SLC35F4: variants seen among roughly 807,000 people sequenced by gnomAD.
The protein encoded by SLC35F4 is solute carrier family 35 member F4.
In SLC35F4, 24 loss-of-function variants were observed where a neutral mutation model predicts 44.2. The observed-to-expected ratio is 0.54, with a 90% confidence interval of 0.39 to 0.76. The LOEUF (loss-of-function observed/expected upper bound fraction) is 0.76. SLC35F4 is among the 30% of genes least tolerant of loss of function. The pLI is 0.00. For synonymous variants in SLC35F4, 238 were observed against 223.6 expected, an observed-to-expected ratio of 1.06 and a Z score of -0.57; for missense variants, 562 against 586.1, an observed-to-expected ratio of 0.96 and a Z score of 0.42.
chr14:57,864,217 A>G (rs1887927294), intron 1 of SLC35F4, among the ~76,000 whole-genome samples: 1 of 152,216 alleles, frequency 6.6e-6, no homozygotes, highest in Admixed American at 6.5e-5. Flanking sequence ...AGTAATTTCC[A>G]CAAGATATAT....
downstream of SLC35F4, among the ~76,000 whole-genome samples, chr14:57,975,157 C>T (rs1881178388): frequency 6.6e-6 from 1 of 152,166 alleles, no homozygotes; most frequent in African/African-American, 2.4e-5. Context: ...ATTGAGGTGA[C>T]TATTTGGTAA....
At chr14:57,947,843 A>G (rs1890063904) in intron 1 of SLC35F4, among the ~76,000 whole-genome samples, 1 of 152,106 alleles carries the variant, frequency 6.6e-6, no homozygotes, top group Non-Finnish European at 1.5e-5. Flanking sequence ...TGACTTTCAT[A>G]TGTTAAGCTA....
intron 1 of SLC35F4, among the ~76,000 whole-genome samples, chr14:57,933,041 T>A (rs1430090875): frequency 3.1e-5 from 3 of 96,196 alleles, no homozygotes; most frequent in Non-Finnish European, 6.1e-5. Flanking sequence ...CCTATTTACT[T>A]TTTTTTTTTT....
chr14:57,622,698 T>C (rs572958483), intron 1 of SLC35F4, among the ~76,000 whole-genome samples: 44 of 152,094 alleles, frequency 2.9e-4, no homozygotes, highest in African/African-American at 7.2e-4. Flanking sequence ...AGGGATAGCA[T>C]TGGGAGATAT....
chr14:57,697,764 A>G (rs1566773955), intron 1 of SLC35F4, among the ~76,000 whole-genome samples: 1 of 152,072 alleles, frequency 6.6e-6, no homozygotes, highest in Admixed American at 6.6e-5. Flanking sequence ...CATTGCCAGA[A>G]TAAGTTAACA....
intron 1 of SLC35F4, among the ~76,000 whole-genome samples, chr14:57,850,737 C>T (rs1886484708): frequency 6.6e-6 from 1 of 152,168 alleles, no homozygotes; most frequent in South Asian, 2.1e-4. Context: ...CATAAAATGT[C>T]TTCTCTGTAG....
chr14:57,829,396 G>A (rs77525765), intron 1 of SLC35F4, among the ~76,000 whole-genome samples: 1 of 152,136 alleles, frequency 6.6e-6, no homozygotes, highest in Non-Finnish European at 1.5e-5. Context: ...TCTCAAACAG[G>A]TGCCCTGCTG....
At chr14:57,617,218 C>T (rs1454228832) in intron 1 of SLC35F4, among the ~76,000 whole-genome samples, 3 of 140,398 alleles carry the variant, frequency 2.1e-5, no homozygotes, top group African/African-American at 5.3e-5. Flanking sequence ...GCAACCTCCA[C>T]CTCCCGGGTT....
chr14:57,716,868 C>T (rs533915189), intron 1 of SLC35F4, among the ~76,000 whole-genome samples: 35 of 151,610 alleles, frequency 2.3e-4, no homozygotes, highest in African/African-American at 8.0e-4. Context: ...CCCACCTCTC[C>T]CTATTCCCCT....
intron 1 of SLC35F4, among the ~76,000 whole-genome samples, chr14:57,656,583 C>T (rs1027309208): frequency 1.3e-5 from 2 of 151,978 alleles, no homozygotes; most frequent in Admixed American, 1.3e-4. Context: ...GATAGAAGTT[C>T]TTTAGCTAAA....
Position 57,581,425 on chromosome 14 carries a change from C to G in SLC35F4, c.596G>C (p.Ser199Thr). The change falls in exon 4 of 8, where the codon AGT becomes ACT. Residue 199 changes from serine (S) to threonine (T), a missense_variant. Physicochemically the swap from Ser to Thr is moderately conservative, Grantham distance 58. Transcript: ENST00000556826. Reference sequence around the variant, plus strand: ...CAGACCATCTTCACCAAAAATCCGACTGCATTCCCTAGGAAAGAAAAGAGA... The same window carrying G: ...CAGACCATCTTCACCAAAAATCCGAGTGCATTCCCTAGGAAAGAAAAGAGA... ...QSPMKKFREC[S>T]RIFGEDGLTL... is the part of the protein sequence containing the mutation. The G allele has an allele frequency of 6.2e-7, 1 of 1,608,650 alleles. No homozygotes were observed. Among genetic ancestry groups the G allele is most frequent in the Non-Finnish European group, 8.5e-7 (1 of 1,177,358 alleles).
chr14:57,840,053 C>T (rs1280238469), intron 1 of SLC35F4, among the ~76,000 whole-genome samples: 1 of 152,108 alleles, frequency 6.6e-6, no homozygotes, highest in East Asian at 1.9e-4. Context: ...TACTCTGTCC[C>T]CAGGCACCGT....
chr14:57,917,054 T>C (rs1889343284), intron 1 of SLC35F4, among the ~76,000 whole-genome samples: 2 of 152,122 alleles, frequency 1.3e-5, no homozygotes, highest in Admixed American at 1.3e-4. Context: ...TTTTGTTTTG[T>C]TTTGTTTTGA....
At chr14:57,720,408 A>G (rs2076054395) in intron 1 of SLC35F4, among the ~76,000 whole-genome samples, 1 of 152,104 alleles carries the variant, frequency 6.6e-6, no homozygotes, top group African/African-American at 2.4e-5. Context: ...TAGGATTAAT[A>G]TTAGTTCTTT....
intron 1 of SLC35F4, among the ~76,000 whole-genome samples, chr14:57,603,819 T>G (rs2070984991): frequency 6.6e-6 from 1 of 152,214 alleles, no homozygotes; most frequent in South Asian, 2.1e-4. Context: ...GAGTCCTGTT[T>G]GATACCAACT....
chr14:57,640,227 T>C (rs983624425), intron 1 of SLC35F4, among the ~76,000 whole-genome samples: 2 of 151,982 alleles, frequency 1.3e-5, no homozygotes, highest in Admixed American at 1.3e-4. Context: ...CTTGACTTTA[T>C]GGTATTTCCA....
At chr14:57,624,395 T>G (rs1044258999) in intron 1 of SLC35F4, among the ~76,000 whole-genome samples, 1 of 152,186 alleles carries the variant, frequency 6.6e-6, no homozygotes, top group Admixed American at 6.5e-5. Flanking sequence ...GTACCATTCC[T>G]TCTGAAACTA....
intron 1 of SLC35F4, among the ~76,000 whole-genome samples, chr14:57,671,457 A>G (rs193059126): frequency 2.6e-5 from 4 of 152,002 alleles, no homozygotes; most frequent in African/African-American, 9.7e-5. Context: ...TAGCTCCCAG[A>G]AAACATTTTT....
intron 1 of SLC35F4, among the ~76,000 whole-genome samples, chr14:57,649,135 T>A (rs1051535626): frequency 6.6e-6 from 1 of 152,222 alleles, no homozygotes; most frequent in African/African-American, 2.4e-5. Context: ...CCTTTTCCTT[T>A]CCTTCACATC....
Sources: allele counts gnomAD v4.1 joint callset (sites outside exome capture counted in the v4.1 genomes callset), GRCh38; gene constraint gnomAD v4.1.1; transcripts MANE v1.5; gene names NCBI Gene and HGNC (gene_info 2026-07-23, HGNC 2026-07-21).